The following LMNTD1 variants were observed in gnomAD, a reference collection of about 807,000 sequenced individuals.
LMNTD1 encodes the protein lamin tail domain-containing protein 1.
In LMNTD1, 35 loss-of-function variants were observed where a neutral mutation model predicts 50.9. The observed-to-expected ratio is 0.69, with a 90% CI of 0.53 to 0.91. The LOEUF (loss-of-function observed/expected upper bound fraction) is 0.91. LMNTD1 is among the 40% of genes least tolerant of loss of function. The pLI is 0.00. For synonymous variants in LMNTD1, 153 were observed against 161.9 expected (o/e 0.94, Z 0.42); for missense variants, 470 against 475.5 (o/e 0.99, Z 0.11).
chr12:25,548,534 A>G (rs369604547), intron 3 of LMNTD1, among the ~76,000 whole-genome samples: 1 of 151,942 alleles, frequency 6.6e-6, no homozygotes, highest in South Asian at 2.1e-4. Context: ...TAAATATTTA[A>G]TCTTTAGGAT....
chr12:25,535,319 A>G (rs139747182), intron 4 of LMNTD1, among the ~76,000 whole-genome samples: 3 of 152,300 alleles, frequency 2.0e-5, no homozygotes, highest in African/African-American at 7.2e-5. Context: ...TTAGTAAACT[A>G]TGGTACAACT....
intron 9 of LMNTD1, among the ~76,000 whole-genome samples, chr12:25,503,518 T>C (rs537964467): frequency 6.6e-6 from 1 of 152,290 alleles, no homozygotes; most frequent in East Asian, 1.9e-4. Context: ...AAAGTAAAGA[T>C]GTGACATTTC....
chr12:25,532,245 C>G (rs759479825), intron 4 of LMNTD1, among the ~76,000 whole-genome samples: 8 of 152,078 alleles, frequency 5.3e-5, no homozygotes, highest in Non-Finnish European at 1.5e-5. Context: ...TATTTTTTCA[C>G]TCAAGATTTA....
At chr12:25,540,367 C>T (rs1287132332) in intron 4 of LMNTD1, among the ~76,000 whole-genome samples, 1 of 69,040 alleles carries the variant, frequency 1.4e-5, no homozygotes, top group Non-Finnish European at 3.0e-5. Flanking sequence ...CATCAAAAGG[C>T]TTATCCACCA....
intron 9 of LMNTD1, among the ~76,000 whole-genome samples, chr12:25,487,525 T>C (rs1226559975): frequency 1.4e-3 from 208 of 143,476 alleles, no homozygotes; most frequent in African/African-American, 4.2e-3. Context: ...AGCATATGTG[T>C]GTCTCTGCAC....
intron 9 of LMNTD1, among the ~76,000 whole-genome samples, chr12:25,476,957 G>A (rs1463970380): frequency 6.6e-6 from 1 of 152,156 alleles, no homozygotes; most frequent in African/African-American, 2.4e-5. Context: ...CCATGGCCAG[G>A]GTAATCCAGG....
chr12:25,594,670 A>C (rs1233370222), intron 1 of LMNTD1, among the ~76,000 whole-genome samples: 2 of 150,578 alleles, frequency 1.3e-5, no homozygotes, highest in Admixed American at 1.3e-4. Context: ...AAAAAAAAAA[A>C]AAAAAACCCA....
intron 8 of LMNTD1, among the ~76,000 whole-genome samples, chr12:25,510,828 A>G (rs1010395406): frequency 2.0e-5 from 3 of 152,100 alleles, no homozygotes; most frequent in Admixed American, 2.0e-4. Flanking sequence ...CCTATGTGTC[A>G]TGTACTGAGT....
intron 1 of LMNTD1, among the ~76,000 whole-genome samples, chr12:25,590,304 G>T (rs539501867): frequency 4.6e-5 from 7 of 151,510 alleles, no homozygotes; most frequent in Non-Finnish European, 1.0e-4. Flanking sequence ...TATTATAACA[G>T]AAAAAAAAGG....
intron 1 of LMNTD1, among the ~76,000 whole-genome samples, chr12:25,625,391 G>A (rs11048131): frequency 0.019 from 2,893 of 152,212 alleles, 74 homozygotes; most frequent in African/African-American, 0.062. Context: ...AACAGAACGA[G>A]CTCTGAAAGC....
At chr12:25,516,385 T>C (rs1940777591) in intron 8 of LMNTD1, among the ~76,000 whole-genome samples, 1 of 152,214 alleles carries the variant, frequency 6.6e-6, no homozygotes, top group African/African-American at 2.4e-5. Context: ...CACCATCATA[T>C]TATAGAAAAG....
intron 5 of LMNTD1, among the ~76,000 whole-genome samples, 178 bp downstream of exon 5, chr12:25,526,591 A>G (rs1458050832): frequency 6.6e-6 from 1 of 152,194 alleles, no homozygotes; most frequent in Admixed American, 6.5e-5. Context: ...AACTGTGGGT[A>G]TTAATTAACA....
At chr12:25,577,384 C>T (rs1051525705) in intron 1 of LMNTD1, among the ~76,000 whole-genome samples, 1 of 152,114 alleles carries the variant, frequency 6.6e-6, no homozygotes, top group African/African-American at 2.4e-5. Flanking sequence ...GTTTGTAGTC[C>T]TCCTTGAAGA....
chr12:25,603,762 A>T (rs1946033495), intron 1 of LMNTD1, among the ~76,000 whole-genome samples: 1 of 152,076 alleles, frequency 6.6e-6, no homozygotes, highest in Non-Finnish European at 1.5e-5. Flanking sequence ...TGCATAAATG[A>T]AGTCTGCAGT....
chr12:25,504,123 A>C (rs1049219641), intron 8 of LMNTD1, among the ~76,000 whole-genome samples: 2 of 152,264 alleles, frequency 1.3e-5, no homozygotes, highest in African/African-American at 4.8e-5. Context: ...CAAAATATCC[A>C]TCTGGAAGAT....
At chr12:25,491,188 C>A (rs1938872980) in intron 9 of LMNTD1, among the ~76,000 whole-genome samples, 1 of 152,116 alleles carries the variant, frequency 6.6e-6, no homozygotes, top group African/African-American at 2.4e-5. Context: ...AAAATAATTA[C>A]CAAAGGAAAC....
At chr12:25,477,274 C>T (rs999554871) in intron 9 of LMNTD1, among the ~76,000 whole-genome samples, 4 of 151,846 alleles carry the variant, frequency 2.6e-5, no homozygotes, top group East Asian at 1.9e-4. Context: ...TTTTAACATA[C>T]GAAGGAGCTG....
chr12:25,619,252 C>CTCTCTCTCTCTA lies in LMNTD1; in HGVS notation c.58+29241_58+29242insTAGAGAGAGAGA, dbSNP rs1374134268. Among the ~76,000 whole-genome samples the CTCTCTCTCTCTA allele has an allele frequency of 1.3e-4, 11 of 84,448 alleles. No individual in the cohort carries two copies. The East Asian group carries it at 2.5e-3, about 19-fold the overall frequency. The allele number at this position is 84,448 out of a possible 152,430, so 55.4% of individuals were successfully genotyped here. A position where few individuals can be genotyped will look rare whatever the true frequency, so the allele number is the denominator to read the frequency against. ...TCTCTCTCTCTCTCTCTCTCTCTCTCTATATATATATATATATATATATAT... is the reference window on the plus strand; with the variant it reads ...TCTCTCTCTCTCTCTCTCTCTCTCTCTCTCTCTCTCTATATATATATATATATATATATATAT... On this transcript the variant is annotated intron_variant, in intron 1 of 7. Coordinates refer to the LMNTD1 transcript ENST00000445693.
intron 6 of LMNTD1, among the ~76,000 whole-genome samples, chr12:25,523,330 C>G (rs1208482516): frequency 6.6e-6 from 1 of 152,186 alleles, no homozygotes; most frequent in African/African-American, 2.4e-5. Context: ...CTGCGCTGGC[C>G]TAGGCTTCTT....
Sources: gnomAD v4.1 joint callset for allele counts (sites outside exome capture counted in the v4.1 genomes callset) on GRCh38, gnomAD v4.1.1 for gene constraint, MANE v1.5 for transcripts, NCBI Gene and HGNC (gene_info 2026-07-23, HGNC 2026-07-21) for gene names.